Variants in DTD1 observed in about 807,000 individuals in gnomAD.
DTD1 encodes D-tyrosyl-tRNA deacylase 1 homolog.
DTD1 carries 13 observed loss-of-function variants against 25.6 expected under a neutral mutation model. That is an observed-to-expected ratio of 0.51 (90% CI 0.33 to 0.81). The LOEUF (loss-of-function observed/expected upper bound fraction) is 0.81. Ranked by LOEUF, DTD1 falls within the 30% of genes least tolerant of loss-of-function variation. The probability of loss-of-function intolerance (pLI) is 0.02; values close to 1 mark genes in which losing one functional copy is unlikely to be tolerated. For synonymous variants in DTD1, 110 were observed against 103.6 expected, an observed-to-expected ratio of 1.06 and a Z score of -0.37; for missense variants, 193 against 266.4, an observed-to-expected ratio of 0.72 and a Z score of 1.92.
chr20:18,643,370 G>T, intron 4 of DTD1: 1 of 240,564 alleles, frequency 4.2e-6, no homozygotes. Context: ...TTATGGCTCT[G>T]GCTTGACTCT....
At chr20:18,739,664 A>G (rs1229288308) in intron 4 of DTD1, among the ~76,000 whole-genome samples, 1 of 152,162 alleles carries the variant, frequency 6.6e-6, no homozygotes, top group Admixed American at 6.5e-5. Flanking sequence ...ATCTCCTCTT[A>G]ATTTGAAAGC....
chr20:18,634,625 G>A (rs1348701286), intron 4 of DTD1, among the ~76,000 whole-genome samples: 1 of 152,146 alleles, frequency 6.6e-6, no homozygotes, highest in Non-Finnish European at 1.5e-5. Context: ...CTGTATACTT[G>A]TCTTATCAGC....
intron 4 of DTD1, among the ~76,000 whole-genome samples, chr20:18,698,971 C>T (rs531568075): frequency 6.6e-5 from 10 of 152,240 alleles, no homozygotes; most frequent in East Asian, 3.9e-4. Context: ...ACACCCTCCA[C>T]GTCTGTGTCC....
intron 4 of DTD1, among the ~76,000 whole-genome samples, chr20:18,661,098 A>C (rs1174193401): frequency 6.6e-6 from 1 of 152,134 alleles, no homozygotes; most frequent in Non-Finnish European, 1.5e-5. Flanking sequence ...TTGTTCATTC[A>C]TCTTTGTGCC....
Position 18,764,230 on chromosome 20 carries a change from GCCTCAGCATGGCGGGTGGTGCAGATAC to G in DTD1, c.*894_*920del, listed in dbSNP as rs1056492263. 6.6e-6 allele frequency: 1 copy of G among 152,260 alleles called. No individual in the cohort carries two copies. The highest frequency in any genetic ancestry group is 6.5e-5 in the Admixed American group (1 of 15,288). 9.4% of individuals were successfully genotyped at this position (152,260 alleles called of 1,614,324 possible). On this transcript the variant is annotated 3_prime_UTR_variant, in exon 6 of 6. Coordinates refer to ENST00000377452, the MANE Select transcript of DTD1 (RefSeq NM_080820.6). ...ATCCAGCTTTGGGAGGTGGAGGAAG[GCCTCAGCATGGCGGGTGGTGCAGATAC>G]CCTTTATCCAGTAGCTACATGGTTG...
chr20:18,738,970 T>C (rs2061267140), intron 4 of DTD1, among the ~76,000 whole-genome samples: 1 of 152,212 alleles, frequency 6.6e-6, no homozygotes, highest in Admixed American at 6.5e-5. Flanking sequence ...GCGAATGTTC[T>C]TAGGTAGCGC....
chr20:18,643,854 A>G (rs1018520), intron 4 of DTD1, among the ~76,000 whole-genome samples: 77,377 of 151,938 alleles, frequency 0.51, 20,060 homozygotes, highest in Middle Eastern at 0.57. Flanking sequence ...TTCAGGGTGT[A>G]TGTGTGTATG....
At chr20:18,726,395 A>G (rs1423591745) in intron 4 of DTD1, among the ~76,000 whole-genome samples, 1 of 152,162 alleles carries the variant, frequency 6.6e-6, no homozygotes, top group African/African-American at 2.4e-5. Context: ...TCATCATGAA[A>G]ATTGCATTGT....
chr20:18,601,319 G>A (rs1176412582), intron 3 of DTD1, among the ~76,000 whole-genome samples: 5 of 151,978 alleles, frequency 3.3e-5, no homozygotes, highest in Non-Finnish European at 7.4e-5. Flanking sequence ...GGGCAACATG[G>A]GAAACCCAAT....
chr20:18,589,882 A>G (rs1366030524), intron 1 of DTD1, among the ~76,000 whole-genome samples: 1 of 151,320 alleles, frequency 6.6e-6, no homozygotes, highest in African/African-American at 2.4e-5. Flanking sequence ...TAATTATGGG[A>G]AAGTGTAAAT....
At chr20:18,591,389 A>G (rs2060588835) in intron 1 of DTD1, among the ~76,000 whole-genome samples, 1 of 152,218 alleles carries the variant, frequency 6.6e-6, no homozygotes, top group Admixed American at 6.5e-5. Context: ...GAAAATTTTG[A>G]AAGAAGCCAT....
At chr20:18,639,863 C>T (rs763289639) in intron 4 of DTD1, among the ~76,000 whole-genome samples, 1 of 152,074 alleles carries the variant, frequency 6.6e-6, no homozygotes. Flanking sequence ...GAACATGATA[C>T]TCACATAATA....
At chr20:18,598,770 A>G (rs1276885690) in intron 3 of DTD1, among the ~76,000 whole-genome samples, 1 of 151,654 alleles carries the variant, frequency 6.6e-6, no homozygotes, top group Non-Finnish European at 1.5e-5. Flanking sequence ...TGGCCTCCCA[A>G]AGTGCTGGGA....
intron 4 of DTD1, among the ~76,000 whole-genome samples, chr20:18,697,614 T>G (rs2061083326): frequency 6.6e-6 from 1 of 152,240 alleles, no homozygotes; most frequent in Non-Finnish European, 1.5e-5. Context: ...GTGTCTGTTC[T>G]CAAAAAATTT....
intron 4 of DTD1, among the ~76,000 whole-genome samples, chr20:18,737,764 G>A (rs1224992409): frequency 6.6e-6 from 1 of 152,220 alleles, no homozygotes; most frequent in Non-Finnish European, 1.5e-5. Context: ...TGATCCTCTG[G>A]CTTCTTCAGC....
intron 4 of DTD1, among the ~76,000 whole-genome samples, chr20:18,730,661 G>A (rs762376358): frequency 4.6e-5 from 7 of 151,920 alleles, no homozygotes; most frequent in Non-Finnish European, 1.0e-4. Flanking sequence ...TTATCTTCTC[G>A]TTTGCATTTT....
At chr20:18,738,728 G>A (rs1332277174) in intron 4 of DTD1, among the ~76,000 whole-genome samples, 2 of 152,208 alleles carry the variant, frequency 1.3e-5, no homozygotes, top group East Asian at 3.9e-4. Context: ...CACCTCTGAA[G>A]TAGGAGACTC....
chr20:18,752,720 A>T (rs1232775627), intron 5 of DTD1, among the ~76,000 whole-genome samples: 1 of 152,272 alleles, frequency 6.6e-6, no homozygotes, highest in East Asian at 1.9e-4. Context: ...CTGACCTTGA[A>T]TCTGTAACTG....
chr20:18,673,961 T>C (rs17405863), intron 4 of DTD1, among the ~76,000 whole-genome samples: 5,685 of 152,246 alleles, frequency 0.037, 362 homozygotes, highest in African/African-American at 0.13. Context: ...ATTTTTCTAT[T>C]TTGTTACAAA....
Sources: allele counts gnomAD v4.1 joint callset (sites outside exome capture counted in the v4.1 genomes callset), GRCh38; gene constraint gnomAD v4.1.1; transcripts MANE v1.5; gene names NCBI Gene and HGNC (gene_info 2026-07-23, HGNC 2026-07-21).